The following PRICKLE1 variants were observed in gnomAD, a reference collection of about 807,000 sequenced individuals.
The protein encoded by PRICKLE1 is prickle planar cell polarity protein 1.
A neutral mutation model predicts 70.2 loss-of-function variants in PRICKLE1; 14 were observed. The observed-to-expected ratio is 0.20, with a 90% CI of 0.13 to 0.31. The LOEUF is 0.31. Among genes scored for constraint, PRICKLE1 ranks in the 10% least tolerant of loss-of-function variants. The probability of loss-of-function intolerance (pLI) is 1.00; values close to 1 mark genes in which losing one functional copy is unlikely to be tolerated. For missense variants in PRICKLE1, 821 were observed against 1,026.2 expected (o/e 0.80, Z 2.73); for synonymous variants, 357 against 379.9 (o/e 0.94, Z 0.70).
At chr12:42,490,810 T>G (rs958637736) in intron 1 of PRICKLE1, among the ~76,000 whole-genome samples, 4 of 152,202 alleles carry the variant, frequency 2.6e-5, no homozygotes, top group African/African-American at 4.8e-5. Flanking sequence ...CCATTTTTTT[T>G]CACTGCCCAT....
At chr12:42,510,745 A>G (rs943911278) in intron 1 of PRICKLE1, among the ~76,000 whole-genome samples, 3 of 152,196 alleles carry the variant, frequency 2.0e-5, no homozygotes, top group African/African-American at 7.2e-5. Flanking sequence ...CTTCGTAAAA[A>G]TGGAGGCTAT....
At chr12:42,547,628 C>T (rs979817677) in intron 1 of PRICKLE1, among the ~76,000 whole-genome samples, 5 of 152,124 alleles carry the variant, frequency 3.3e-5, no homozygotes, top group East Asian at 1.9e-4. Context: ...AATGGGATAA[C>T]GTATACTATG....
At chr12:42,470,693 G>A (rs1269676107) in intron 2 of PRICKLE1, among the ~76,000 whole-genome samples, 2 of 152,122 alleles carry the variant, frequency 1.3e-5, no homozygotes, top group Non-Finnish European at 2.9e-5. Context: ...ATCACCTGAG[G>A]TCAGGAGTTC....
chr12:42,515,995 G>T (rs1939604486), intron 1 of PRICKLE1, among the ~76,000 whole-genome samples: 1 of 152,064 alleles, frequency 6.6e-6, no homozygotes. Context: ...CTGCTATTTA[G>T]ATACTGGATC....
At position 42,553,707 on chromosome 12, in the gene PRICKLE1, C is replaced by A. The variant is rs561368223; in HGVS notation, c.-49+35758G>T. On this transcript the variant is annotated intron_variant, in intron 1 of 7. Coordinates refer to ENST00000345127, the MANE Select transcript of PRICKLE1 (RefSeq NM_153026.3). ...GTACTCTAGCAAGTTAAGACAATGG[C>A]TTGTAGGGTCGCACTGCTGGGGTTC... is the stretch of plus-strand genomic sequence containing the variant. 2.8e-3 allele frequency among the ~76,000 whole-genome samples: 419 copies of A among 152,214 alleles called. 2 individuals carry two copies. The highest frequency in any genetic ancestry group is 0.01 in the Middle Eastern group (3 of 294).
At chr12:42,554,638 T>C (rs1166653157) in intron 1 of PRICKLE1, among the ~76,000 whole-genome samples, 4 of 152,126 alleles carry the variant, frequency 2.6e-5, no homozygotes, top group Non-Finnish European at 5.9e-5. Context: ...GTGAGGCAAA[T>C]TCTTGCTAGA....
chr12:42,566,433 G>T (rs1056719835), intron 1 of PRICKLE1, among the ~76,000 whole-genome samples: 2 of 152,178 alleles, frequency 1.3e-5, no homozygotes, highest in African/African-American at 4.8e-5. Flanking sequence ...GGGGGAAGTG[G>T]CTGTGAGACA....
intron 1 of PRICKLE1, chr12:42,524,934 T>C (rs1939776443): frequency 6.6e-6 from 1 of 152,218 alleles, no homozygotes; most frequent in Non-Finnish European, 1.5e-5. Flanking sequence ...CCTAAAATCC[T>C]TGGAATGTCC....
At chr12:42,577,387 C>T (rs1471338041) in intron 1 of PRICKLE1, among the ~76,000 whole-genome samples, 1 of 151,992 alleles carries the variant, frequency 6.6e-6, no homozygotes, top group African/African-American at 2.4e-5. Context: ...GTTAGGCCCT[C>T]AGGCCTTTAA....
chr12:42,471,965 C>T (rs974927562), intron 2 of PRICKLE1, among the ~76,000 whole-genome samples: 2 of 152,190 alleles, frequency 1.3e-5, no homozygotes, highest in Admixed American at 1.3e-4. Flanking sequence ...CTCACTATCT[C>T]GCTTCCAAAG....
At chr12:42,513,039 C>A (rs965786246) in intron 1 of PRICKLE1, among the ~76,000 whole-genome samples, 3 of 152,120 alleles carry the variant, frequency 2.0e-5, no homozygotes, top group Non-Finnish European at 4.4e-5. Flanking sequence ...CATCTTGGCT[C>A]ACTGCAGCCT....
At chr12:42,507,213 G>A (rs1939435565) in intron 1 of PRICKLE1, among the ~76,000 whole-genome samples, 1 of 152,182 alleles carries the variant, frequency 6.6e-6, no homozygotes, top group Non-Finnish European at 1.5e-5. Flanking sequence ...CTGTCTCCCT[G>A]CGTTCTGAGT....
At chr12:42,465,590 C>T in intron 6 of PRICKLE1, 1 of 332,394 alleles carries the variant, frequency 3.0e-6, no homozygotes, top group South Asian at 3.8e-5. Flanking sequence ...GACAAGTGTC[C>T]TATTTCTGGT....
chr12:42,549,804 A>G (rs1940281159), intron 1 of PRICKLE1, among the ~76,000 whole-genome samples: 2 of 152,200 alleles, frequency 1.3e-5, no homozygotes, highest in African/African-American at 2.4e-5. Context: ...GCCCCAGCCT[A>G]TCAGTCTGAC....
At chr12:42,525,327 A>C (rs1027254156) in intron 1 of PRICKLE1, among the ~76,000 whole-genome samples, 2 of 152,180 alleles carry the variant, frequency 1.3e-5, no homozygotes, top group Non-Finnish European at 2.9e-5. Context: ...TGTACTGATA[A>C]AAGTAAGTCA....
rs1452889848 is a variant in PRICKLE1, at chr12:42,589,508, C to CGCTGCGGG, written c.-100_-93dup. 2.0e-5 allele frequency: 3 copies of CGCTGCGGG among 150,890 alleles called. No individual in the cohort carries two copies. Among genetic ancestry groups the CGCTGCGGG allele is most frequent in the Non-Finnish European group, 4.4e-5 (3 of 67,450 alleles). The allele number at this position is 150,890 out of a possible 1,614,324, so 9.3% of individuals were successfully genotyped here. Reference sequence around the variant, plus strand: ...AACTCGGCTGCACTGTCCTCGGCGCCGCTGCGGGGCTGCTGGGCTGCGGGG... The same window carrying CGCTGCGGG: ...AACTCGGCTGCACTGTCCTCGGCGCCGCTGCGGGGCTGCGGGGCTGCTGGGCTGCGGGG... On this transcript the variant is annotated 5_prime_UTR_variant, in exon 1 of 8. Transcript: ENST00000345127. This position sits in a 1 kb window ranked among gnomAD's most constrained non-coding sequence, Gnocchi z 5.0.
At chr12:42,582,457 G>A (rs559623487) in intron 1 of PRICKLE1, among the ~76,000 whole-genome samples, 2 of 152,256 alleles carry the variant, frequency 1.3e-5, no homozygotes, top group African/African-American at 2.4e-5. Flanking sequence ...TCTCTAATGC[G>A]CTTCAGACCT....
chr12:42,477,085 A>G (rs1271608878), intron 1 of PRICKLE1, among the ~76,000 whole-genome samples: 1 of 151,706 alleles, frequency 6.6e-6, no homozygotes, highest in Non-Finnish European at 1.5e-5. Context: ...AAAATTATAA[A>G]GACGTGGCCA....
At position 42,459,646 on chromosome 12, in the gene PRICKLE1, C is replaced by T; in HGVS notation, c.*163G>A. The T allele has an allele frequency of 2.3e-6, 2 of 863,872 alleles. No individual in the cohort carries two copies. The highest frequency in any genetic ancestry group is 3.7e-6 in the Non-Finnish European group (2 of 539,880). 53.5% of individuals were successfully genotyped at this position (863,872 alleles called of 1,614,324 possible). A position where few individuals can be genotyped will look rare whatever the true frequency, so the allele number is the denominator to read the frequency against. On this transcript the variant is annotated 3_prime_UTR_variant, in exon 8 of 8. Transcript: ENST00000345127. ...AGAGGGTAAATTGGAGAAATCACAC[C>T]TTTCAAATGTTAATCTGACACTGTA...
Sources: gnomAD v4.1 joint callset for allele counts (sites outside exome capture counted in the v4.1 genomes callset) on GRCh38, gnomAD v4.1.1 for gene constraint, Gnocchi (gnomAD v3.1) non-coding constraint, MANE v1.5 for transcripts, NCBI Gene and HGNC (gene_info 2026-07-23, HGNC 2026-07-21) for gene names.